LARGE1: variants seen among roughly 807,000 people sequenced by gnomAD.
LARGE1 encodes xylosyl- and glucuronyltransferase LARGE1.
Under a neutral mutation model 87.6 loss-of-function variants are expected in LARGE1, and 43 were observed. The observed-to-expected ratio is 0.49, with a 90% CI of 0.38 to 0.63. The LOEUF (loss-of-function observed/expected upper bound fraction) is 0.63. LARGE1 is among the 30% of genes least tolerant of loss of function. The probability of loss-of-function intolerance (pLI) is 0.00; values close to 1 mark genes in which losing one functional copy is unlikely to be tolerated. For missense variants in LARGE1, 802 were observed against 1,000.2 expected, an observed-to-expected ratio of 0.80 and a Z score of 2.67; for synonymous variants, 434 against 394.6, an observed-to-expected ratio of 1.10 and a Z score of -1.18.
intron 6 of LARGE1, among the ~76,000 whole-genome samples, chr22:33,494,801 G>A (rs2070022680): frequency 6.6e-6 from 1 of 152,204 alleles, no homozygotes; most frequent in Non-Finnish European, 1.5e-5. Context: ...TGCCAGTGCT[G>A]TTTCCAAACT....
intron 1 of LARGE1, among the ~76,000 whole-genome samples, 177 bp downstream of exon 1, chr22:33,919,802 CCTGGGGACTTCGGAGA>C (rs1366387240): frequency 1.3e-5 from 2 of 152,208 alleles, no homozygotes; most frequent in Non-Finnish European, 2.9e-5. Flanking sequence ...CTGAGGGGGT[CCTGGGGACTTCGGAGA>C]CTGGGGGCTT....
intron 6 of LARGE1, among the ~76,000 whole-genome samples, chr22:33,464,779 T>C (rs960845439): frequency 3.9e-5 from 6 of 152,102 alleles, no homozygotes; most frequent in African/African-American, 1.4e-4. Context: ...AATAACCATT[T>C]TGGAAAATCA....
At chr22:33,335,469 C>T (rs993258548) in intron 10 of LARGE1, among the ~76,000 whole-genome samples, 7 of 152,144 alleles carry the variant, frequency 4.6e-5, no homozygotes, top group Non-Finnish European at 7.4e-5. Flanking sequence ...AAAGGCCAGG[C>T]GAGTACATGC....
intron 5 of LARGE1, among the ~76,000 whole-genome samples, chr22:33,586,401 C>T (rs964031300): frequency 6.6e-6 from 1 of 152,096 alleles, no homozygotes; most frequent in South Asian, 2.1e-4. Context: ...TATGCTGCAC[C>T]CTTACACCTG....
In LARGE1 at chr22:33,576,623, C is replaced by T. The variant is rs17731808; in HGVS notation, c.616-11604G>A. On this transcript the variant is annotated intron_variant, in intron 5 of 14. Transcript: ENST00000397394. The stretch of plus-strand genomic sequence containing the variant: ...TGAATATGCTCATATATACAGATAT[C>T]ACCGCGAAAGCACATGGATAAACAT... Among the ~76,000 whole-genome samples the T allele has an allele frequency of 6.8e-3, 1,034 of 152,212 alleles. 7 individuals are homozygous for T. Among genetic ancestry groups the T allele is most frequent in the Non-Finnish European group, 0.01 (696 of 68,018 alleles).
intron 1 of LARGE1, among the ~76,000 whole-genome samples, chr22:33,828,240 C>T (rs975311747): frequency 6.6e-6 from 1 of 152,170 alleles, no homozygotes; most frequent in African/African-American, 2.4e-5. Context: ...AGCCACAGAA[C>T]CTGCAGGTGA....
chr22:33,147,740 T>G, the LARGE1 span, among the ~76,000 whole-genome samples: 1 of 152,220 alleles, frequency 6.6e-6, no homozygotes, highest in African/African-American at 2.4e-5. Flanking sequence ...TACGCTTTTT[T>G]TGGGTAAATA....
chr22:33,269,173 T>C (rs895559878), downstream of LARGE1, among the ~76,000 whole-genome samples: 1 of 152,210 alleles, frequency 6.6e-6, no homozygotes, highest in South Asian at 2.1e-4. Flanking sequence ...AAAAAAACTA[T>C]GAAGAGTATG....
chr22:33,507,456 C>T (rs1027808217), intron 6 of LARGE1, among the ~76,000 whole-genome samples: 3 of 151,962 alleles, frequency 2.0e-5, no homozygotes, highest in Non-Finnish European at 4.4e-5. Flanking sequence ...AAAAAAAACC[C>T]GCAAACATCA....
intron 1 of LARGE1, among the ~76,000 whole-genome samples, chr22:33,762,734 A>G (rs530264898): frequency 2.0e-5 from 3 of 152,298 alleles, no homozygotes; most frequent in East Asian, 1.9e-4. Flanking sequence ...GACAAAGTGG[A>G]TGGCCCATGA....
intron 1 of LARGE1, among the ~76,000 whole-genome samples, chr22:33,825,203 G>A (rs62227786): frequency 0.077 from 11,648 of 152,230 alleles, 580 homozygotes; most frequent in Admixed American, 0.11. Flanking sequence ...TTTGCATTAT[G>A]AAGGAAATCC....
intron 2 of LARGE1, among the ~76,000 whole-genome samples, chr22:33,691,191 C>T (rs905511551): frequency 1.3e-5 from 2 of 152,008 alleles, no homozygotes; most frequent in African/African-American, 4.8e-5. Context: ...TTTCCAAAGT[C>T]CAGCCACGCT....
At chr22:33,647,760 A>AT (rs11423137) in intron 3 of LARGE1, among the ~76,000 whole-genome samples, 6,402 of 150,534 alleles carry the variant, frequency 0.043, 437 homozygotes, top group African/African-American at 0.15. Context: ...CAGGAACTTG[A>AT]TTTTTTTTTT....
upstream of LARGE1, among the ~76,000 whole-genome samples, chr22:33,921,299 G>A (rs2065944673): frequency 6.6e-6 from 1 of 152,172 alleles, no homozygotes; most frequent in African/African-American, 2.4e-5. The surrounding 1 kb of genome is among the most constrained non-coding windows in gnomAD (Gnocchi z 4.1). Flanking sequence ...GGTGCAAGCT[G>A]GGAGCTCCCC....
At chr22:33,364,408 G>A (rs2064509060) in intron 9 of LARGE1, among the ~76,000 whole-genome samples, 2 of 151,916 alleles carry the variant, frequency 1.3e-5, no homozygotes, top group Admixed American at 1.3e-4. Flanking sequence ...TTTCAATCCC[G>A]TTCCGCGTTT....
At chr22:33,714,947 G>A (rs2149417351) in intron 2 of LARGE1, among the ~76,000 whole-genome samples, 1 of 152,342 alleles carries the variant, frequency 6.6e-6, no homozygotes, top group Admixed American at 6.5e-5. Flanking sequence ...GAGGCATGCT[G>A]CCAGAAGGAC....
At chr22:33,396,463 CAGAGAGAGAGAGAG>C (rs3071529) in intron 7 of LARGE1, among the ~76,000 whole-genome samples, 1,153 of 104,728 alleles carry the variant, frequency 0.011, 24 homozygotes, top group African/African-American at 0.046. Flanking sequence ...GAGAGAGTGA[CAGAGAGAGAGAGAG>C]AGAGAGAGAG....
chr22:33,804,285 C>T (rs5994799), intron 1 of LARGE1, among the ~76,000 whole-genome samples: 12,429 of 152,182 alleles, frequency 0.082, 1,715 homozygotes, highest in African/African-American at 0.29. Flanking sequence ...CAACATTGAA[C>T]GCAGACTTGA....
chr22:33,590,563 T>C (rs1442504886), intron 5 of LARGE1, among the ~76,000 whole-genome samples: 3 of 152,204 alleles, frequency 2.0e-5, no homozygotes, highest in Non-Finnish European at 4.4e-5. Context: ...TGCTAGGCAG[T>C]CCCACCACAC....
Sources: allele counts gnomAD v4.1 joint callset (sites outside exome capture counted in the v4.1 genomes callset), GRCh38; gene constraint gnomAD v4.1.1; non-coding constraint Gnocchi (gnomAD v3.1); transcripts MANE v1.5; gene names NCBI Gene and HGNC (gene_info 2026-07-23, HGNC 2026-07-21).